The following UTP6 variants were observed in gnomAD, a reference collection of about 807,000 sequenced individuals.
UTP6 encodes UTP6 small subunit processome component.
In UTP6, 60 loss-of-function variants were observed where a neutral mutation model predicts 96.5. The observed-to-expected ratio is 0.62, with a 90% CI of 0.51 to 0.77. The LOEUF is 0.77. UTP6 is among the 30% of genes least tolerant of loss of function. The pLI is 0.00. For missense variants in UTP6, 637 were observed against 706.5 expected, an observed-to-expected ratio of 0.90 and a Z score of 1.12; for synonymous variants, 215 against 240.1, an observed-to-expected ratio of 0.90 and a Z score of 0.96.
At chr17:31,883,092 G>C (rs983763663) in intron 10 of UTP6, among the ~76,000 whole-genome samples, 8 of 152,040 alleles carry the variant, frequency 5.3e-5, no homozygotes, top group Non-Finnish European at 2.9e-5. Flanking sequence ...CTTGCACTTT[G>C]GGAGGCTAAG....
chr17:31,867,978 A>G (rs1322992838), intron 17 of UTP6, 68 bp downstream of exon 17: 3 of 1,527,826 alleles, frequency 2.0e-6, no homozygotes, highest in South Asian at 1.2e-5. Flanking sequence ...AAAACAAAAA[A>G]CAGTCTGATA....
At chr17:31,871,919 C>G (rs1021946209) in intron 16 of UTP6, among the ~76,000 whole-genome samples, 4 of 151,566 alleles carry the variant, frequency 2.6e-5, no homozygotes, top group Admixed American at 2.0e-4. Flanking sequence ...TTAGGCCGGG[C>G]ACAGTGGCTC....
rs764170574 is a variant in UTP6 at position 31,868,123 on chromosome 17, A to G, written c.1497-11T>C. 3.9e-5 allele frequency: 62 copies of G among 1,610,318 alleles called. No homozygotes were observed. The highest frequency in any genetic ancestry group is 4.9e-5 in the Non-Finnish European group (58 of 1,177,998). On this transcript the variant is annotated splice_polypyrimidine_tract_variant and intron_variant, in intron 16 of 18. Transcript: ENST00000261708. ...CGGCTCTCCTGTAAACTAAAAAGGA[A>G]GGAGAAAACGTTATCTTCAACAATG...
chr17:31,896,439 G>C (rs1567794359), intron 2 of UTP6, among the ~76,000 whole-genome samples: 1 of 152,086 alleles, frequency 6.6e-6, no homozygotes, highest in Non-Finnish European at 1.5e-5. Flanking sequence ...CTTTTCATAA[G>C]TTTAACTACA....
At chr17:31,879,187 C>G (rs1246686181) in intron 11 of UTP6, among the ~76,000 whole-genome samples, 5 of 152,052 alleles carry the variant, frequency 3.3e-5, no homozygotes, top group African/African-American at 1.2e-4. Context: ...GTCAGGAGTT[C>G]AAGACCAGCC....
In UTP6 at chr17:31,875,379, T is replaced by TCC; in HGVS notation, c.1158_1159dup (p.Glu387GlyfsTer8). 1 of 1,614,064 alleles carries TCC rather than the reference T, an allele frequency of 6.2e-7. No individual in the cohort carries two copies. The highest frequency in any genetic ancestry group is 8.5e-7 in the Non-Finnish European group (1 of 1,180,014). On this transcript the variant is annotated frameshift_variant, in exon 14 of 19. Transcript: ENST00000261708. LOFTEE classifies it high-confidence loss of function. ...TCCAGCTACTGCCACTTCCAGAGCT[T>TCC]CCCTCAGGAAGTTATAACACAGCAA...
intron 2 of UTP6, among the ~76,000 whole-genome samples, chr17:31,899,133 C>T (rs914317529): frequency 1.2e-4 from 19 of 152,268 alleles, no homozygotes; most frequent in African/African-American, 4.6e-4. Flanking sequence ...CCTGTCTCTA[C>T]AAAAAACACA....
chr17:31,889,307 T>G lies in UTP6; in HGVS notation c.521A>C (p.Glu174Ala). Residue 174 changes from glutamate (E) to alanine (A), a missense_variant, in exon 7 of 19, where the codon GAG becomes GCG. Transcript: ENST00000261708. The part of the protein sequence containing the change: ...LFLRALRFHP[E>A]CPKLYKEYFR... Reference sequence around the variant, plus strand: ...CACTTCTTTATAAAGTTTTGGGCACTCTGGATGAAAGCGCAGTGCGCGAAG... The same window carrying G: ...CACTTCTTTATAAAGTTTTGGGCACGCTGGATGAAAGCGCAGTGCGCGAAG... 6.2e-7 allele frequency: 1 copy of G among 1,613,410 alleles called. No homozygotes were observed. Among genetic ancestry groups the G allele is most frequent in the Non-Finnish European group, 8.5e-7 (1 of 1,179,612 alleles).
intron 4 of UTP6, among the ~76,000 whole-genome samples, chr17:31,893,466 T>G (rs1029827858): frequency 2.0e-4 from 27 of 136,210 alleles, no homozygotes; most frequent in Non-Finnish European, 4.2e-4. Context: ...GCACAATGGC[T>G]CAGGCCTGTA....
chr17:31,868,331 T>TG (rs1461437317), intron 16 of UTP6, among the ~76,000 whole-genome samples: 43 of 143,756 alleles, frequency 3.0e-4, no homozygotes, highest in African/African-American at 1.1e-3. Flanking sequence ...TTTGGTTTTT[T>TG]TTTTTTTTTT....
At chr17:31,878,606 T>C (rs1174962200) in intron 12 of UTP6, 96 bp downstream of exon 12, 2 of 1,209,500 alleles carry the variant, frequency 1.7e-6, no homozygotes, top group East Asian at 4.7e-5. Flanking sequence ...ATAAAAGTTC[T>C]CAGAAACTGT....
At chr17:31,884,307 T>TAAAAG in intron 10 of UTP6, 117 bp downstream of exon 10, 1 of 834,720 alleles carries the variant, frequency 1.2e-6, no homozygotes, top group South Asian at 2.1e-5. Context: ...CAATATTAGC[T>TAAAAG]TTTATTCCAG....
chr17:31,891,892 G>T (rs991787032), intron 6 of UTP6, among the ~76,000 whole-genome samples: 1 of 152,082 alleles, frequency 6.6e-6, no homozygotes, highest in South Asian at 2.1e-4. Flanking sequence ...GCGTGGTGGC[G>T]GGCACCTGTA....
intron 8 of UTP6, 132 bp from the exon 9 acceptor site, chr17:31,886,193 TTCCCTCA>T: frequency 1.5e-6 from 1 of 654,840 alleles, no homozygotes; most frequent in African/African-American, 1.8e-5. Flanking sequence ...TCCGGGCCAG[TTCCCTCA>T]CTTGTAAAGT....
At position 31,863,123 on chromosome 17, in the gene UTP6, T is replaced by C; in HGVS notation, c.*236A>G. 2.1e-6 allele frequency: 1 copy of C among 485,962 alleles called. No individual in the cohort carries two copies. Among genetic ancestry groups the C allele is most frequent in the Admixed American group, 3.6e-5 (1 of 27,578 alleles). 30.1% of individuals were successfully genotyped at this position (485,962 alleles called of 1,614,324 possible). On this transcript the variant is annotated 3_prime_UTR_variant, in exon 19 of 19. Coordinates refer to ENST00000261708, the MANE Select transcript of UTP6 (RefSeq NM_018428.3). ...CAGGAGTCTGAGGTGAGAAGGTCAC[T>C]TGAGTCCAGGAGTTCAAGACCAGCC...
chr17:31,870,478 T>C (rs1910091341), intron 16 of UTP6, among the ~76,000 whole-genome samples: 1 of 151,976 alleles, frequency 6.6e-6, no homozygotes. Context: ...GTTTGTTTTG[T>C]TTTGGGTTTT....
intron 1 of UTP6, among the ~76,000 whole-genome samples, chr17:31,900,887 C>G (rs188966131): frequency 6.6e-6 from 1 of 152,286 alleles, no homozygotes; most frequent in East Asian, 1.9e-4. Flanking sequence ...TTCTAAGCGT[C>G]CACACTGCTT....
intron 9 of UTP6, among the ~76,000 whole-genome samples, chr17:31,885,382 T>G (rs145973498): frequency 0.1 from 15,071 of 151,172 alleles, 1,412 homozygotes; most frequent in African/African-American, 0.25. Context: ...TGACCTCAGG[T>G]GATCCACCTG....
chr17:31,885,811 T>C (rs1289265672), intron 9 of UTP6, among the ~76,000 whole-genome samples, 169 bp downstream of exon 9: 1 of 152,014 alleles, frequency 6.6e-6, no homozygotes. Context: ...GTTACTGAAA[T>C]GTTCAATTAT....
Sources: gnomAD v4.1 joint callset for allele counts (sites outside exome capture counted in the v4.1 genomes callset) on GRCh38, gnomAD v4.1.1 for gene constraint, MANE v1.5 for transcripts, NCBI Gene and HGNC (gene_info 2026-07-23, HGNC 2026-07-21) for gene names.